ULK4: variants seen among roughly 807,000 people sequenced by gnomAD.
ULK4 encodes inactive serine/threonine-protein kinase ULK4.
Under a neutral mutation model 160.6 loss-of-function variants are expected in ULK4, and 133 were observed. That is an observed-to-expected ratio of 0.83 (90% CI 0.72 to 0.96). The LOEUF (loss-of-function observed/expected upper bound fraction) is 0.96. Ranked by LOEUF, ULK4 falls within the 40% of genes least tolerant of loss-of-function variation. ULK4 has a pLI of 0.00. For missense variants in ULK4, 1,580 were observed against 1,499.5 expected (o/e 1.05, Z -0.89); for synonymous variants, 534 against 539.8 (o/e 0.99, Z 0.15).
intron 32 of ULK4, among the ~76,000 whole-genome samples, chr3:41,531,208 C>T (rs139551982): frequency 0.036 from 5,434 of 150,310 alleles, 317 homozygotes; most frequent in African/African-American, 0.12. Context: ...TTTAGGAGGC[C>T]GAGGCAGGCA....
In ULK4 at chr3:41,681,569, T is replaced by A. The variant is rs777385446; in HGVS notation, c.2917A>T (p.Lys973Ter). 1.9e-6 allele frequency: 3 copies of A among 1,613,932 alleles called. No homozygotes were observed. In the South Asian group the frequency reaches 3.3e-5, roughly 18 times the overall value. Reference protein sequence around the residue: ...VNQEFGDGKEKASVDSDSNLL... With the variant: ...VNQEFGDGKE ...TTGCTGTCAGAATCAACACTGGCCT[T>A]CTCCTTGCCATCCCCAAACTCCTGG... Residue 973 changes from lysine to a stop codon, truncating the protein, a stop_gained, in exon 29 of 37, where the codon AAG becomes TAG. Coordinates refer to ENST00000301831, the MANE Select transcript of ULK4 (RefSeq NM_017886.4). LOFTEE classifies it high-confidence loss of function.
intron 35 of ULK4, among the ~76,000 whole-genome samples, chr3:41,393,019 G>T (rs2081987855): frequency 6.6e-6 from 1 of 152,086 alleles, no homozygotes; most frequent in South Asian, 2.1e-4. Context: ...AACTTGGCAG[G>T]GCTGTGTGGA....
At chr3:41,719,608 A>G (rs2037381460) in intron 22 of ULK4, among the ~76,000 whole-genome samples, 1 of 152,100 alleles carries the variant, frequency 6.6e-6, no homozygotes, top group African/African-American at 2.4e-5. Context: ...TATTAAGTCA[A>G]TCACTAAATA....
intron 32 of ULK4, among the ~76,000 whole-genome samples, chr3:41,559,168 T>G (rs1330923059): frequency 6.7e-6 from 1 of 149,478 alleles, no homozygotes. Context: ...AGAATGATGG[T>G]TTCCAGCTTC....
chr3:41,920,643 C>A (rs1331474700), intron 5 of ULK4, among the ~76,000 whole-genome samples: 1 of 152,096 alleles, frequency 6.6e-6, no homozygotes, highest in Non-Finnish European at 1.5e-5. Flanking sequence ...ATCTAACTCC[C>A]GCCTCCCAAT....
At chr3:41,814,347 T>C (rs939557803) in intron 19 of ULK4, among the ~76,000 whole-genome samples, 8 of 152,122 alleles carry the variant, frequency 5.3e-5, no homozygotes, top group Admixed American at 2.0e-4. Context: ...CTTTTTATTA[T>C]TGTTTTTAGT....
chr3:41,557,529 T>C (rs973094480), intron 32 of ULK4, among the ~76,000 whole-genome samples: 2 of 150,708 alleles, frequency 1.3e-5, no homozygotes, highest in Admixed American at 1.3e-4. Flanking sequence ...GCTTTGGAAG[T>C]CCGAGGTGGA....
At chr3:41,786,982 T>A (rs974120779) in intron 21 of ULK4, among the ~76,000 whole-genome samples, 1 of 152,010 alleles carries the variant, frequency 6.6e-6, no homozygotes. Flanking sequence ...CCAACAGGTA[T>A]ACATACACAA....
chr3:41,709,376 T>C (rs542634822), intron 25 of ULK4, among the ~76,000 whole-genome samples: 22 of 152,140 alleles, frequency 1.4e-4, no homozygotes, highest in African/African-American at 5.3e-4. Flanking sequence ...GACTTTAAAA[T>C]GGAGTTTGTT....
At chr3:41,558,730 A>G (rs1795350) in intron 32 of ULK4, among the ~76,000 whole-genome samples, 65,912 of 149,996 alleles carry the variant, frequency 0.44, 15,774 homozygotes, top group Middle Eastern at 0.56. Context: ...AAAAAAAAGG[A>G]AAGAAAAAGA....
intron 32 of ULK4, among the ~76,000 whole-genome samples, chr3:41,512,464 G>A (rs1286694135): frequency 1.3e-5 from 2 of 152,060 alleles, no homozygotes; most frequent in African/African-American, 2.4e-5. Flanking sequence ...CAGTAATTCT[G>A]CTATATACCT....
chr3:41,773,571 A>G (rs2039486785), intron 21 of ULK4, among the ~76,000 whole-genome samples: 1 of 152,214 alleles, frequency 6.6e-6, no homozygotes, highest in Admixed American at 6.5e-5. Context: ...GAAATTAAAG[A>G]GGATACAAAC....
Position 41,911,403 on chromosome 3 carries a change from A to ATC in ULK4, c.1016-18_1016-17insGA. ...TTGGATTTTCTGTAGCAGGAAAGTAATATGTTATCCAGAAAAGAACAAAAA... is the reference window on the plus strand; with the variant it reads ...TTGGATTTTCTGTAGCAGGAAAGTAATCTATGTTATCCAGAAAAGAACAAAAA... On this transcript the variant is annotated splice_polypyrimidine_tract_variant and intron_variant, in intron 10 of 36. Coordinates refer to ENST00000301831, the MANE Select transcript of ULK4 (RefSeq NM_017886.4). The ATC allele has an allele frequency of 6.2e-7, 1 of 1,613,702 alleles. No individual in the cohort carries two copies. The highest frequency in any genetic ancestry group is 8.5e-7 in the Non-Finnish European group (1 of 1,179,642).
chr3:41,683,297 C>T lies in ULK4; in HGVS notation c.2782-1493G>A, dbSNP rs185193941. Among the ~76,000 whole-genome samples, 6 of 152,152 alleles carry T rather than the reference C, an allele frequency of 3.9e-5. No individual in the cohort carries two copies. In the East Asian group the frequency reaches 9.7e-4, roughly 25 times the overall value. On this transcript the variant is annotated intron_variant, in intron 27 of 36. Coordinates refer to ENST00000301831, the MANE Select transcript of ULK4 (RefSeq NM_017886.4). The stretch of plus-strand genomic sequence containing the variant: ...ACCTCAGGAGGCTCCAATGAAGCCT[C>T]GTCTGGGAGAACTCTGTCGGCCTCA...
intron 35 of ULK4, among the ~76,000 whole-genome samples, chr3:41,366,573 A>T (rs191307299): frequency 6.6e-6 from 1 of 151,556 alleles, no homozygotes; most frequent in Non-Finnish European, 1.5e-5. Flanking sequence ...ACACACACAC[A>T]CTTTATCTAT....
chr3:41,741,296 A>G (rs1023863963), intron 22 of ULK4, among the ~76,000 whole-genome samples: 3 of 151,988 alleles, frequency 2.0e-5, no homozygotes, highest in Non-Finnish European at 2.9e-5. Context: ...ACGAAATTGT[A>G]TACAAATACA....
intron 35 of ULK4, among the ~76,000 whole-genome samples, chr3:41,305,971 A>C (rs1426716425): frequency 4.0e-5 from 5 of 124,154 alleles, no homozygotes; most frequent in South Asian, 2.7e-4. Context: ...AAGTGAGGAG[A>C]CCCTCTGCCC....
At chr3:41,599,832 T>G (rs1275622840) in intron 31 of ULK4, among the ~76,000 whole-genome samples, 1 of 152,118 alleles carries the variant, frequency 6.6e-6, no homozygotes, top group Non-Finnish European at 1.5e-5. Flanking sequence ...CCCAAAGTGC[T>G]GGGATTACAG....
At chr3:41,840,828 G>C (rs903250096) in intron 17 of ULK4, among the ~76,000 whole-genome samples, 4 of 152,080 alleles carry the variant, frequency 2.6e-5, no homozygotes, top group Non-Finnish European at 1.5e-5. Flanking sequence ...TCTCTGCCTA[G>C]CCACCCATTG....
Sources: allele counts gnomAD v4.1 joint callset (sites outside exome capture counted in the v4.1 genomes callset), GRCh38; gene constraint gnomAD v4.1.1; transcripts MANE v1.5; gene names NCBI Gene and HGNC (gene_info 2026-07-23, HGNC 2026-07-21).